SLIT3: variants seen among roughly 807,000 people sequenced by gnomAD.
SLIT3 encodes slit guidance ligand 3.
A neutral mutation model predicts 184.0 loss-of-function variants in SLIT3; 68 were observed. The observed-to-expected ratio is 0.37, with a 90% CI of 0.30 to 0.45. The LOEUF (loss-of-function observed/expected upper bound fraction) is 0.45, where lower values mean the gene tolerates loss of function less well. Ranked by LOEUF, SLIT3 falls within the 20% of genes least tolerant of loss-of-function variation. SLIT3 has a pLI of 1.00. For synonymous variants in SLIT3, 831 were observed against 828.6 expected (o/e 1.00, Z -0.05); for missense variants, 1,707 against 2,026.0 (o/e 0.84, Z 3.02).
intron 1 of SLIT3, among the ~76,000 whole-genome samples, chr5:169,277,524 C>T (rs1479494680): frequency 6.6e-6 from 1 of 152,212 alleles, no homozygotes; most frequent in East Asian, 1.9e-4. Context: ...AGAGGTGACC[C>T]ACCACGAGTG....
At chr5:168,800,744 G>A (rs1446225841) in intron 9 of SLIT3, among the ~76,000 whole-genome samples, 1 of 152,198 alleles carries the variant, frequency 6.6e-6, no homozygotes, top group African/African-American at 2.4e-5. Flanking sequence ...CCTACAGAAA[G>A]CAGAGGTACA....
chr5:168,817,043 G>A (rs969369894), intron 8 of SLIT3, among the ~76,000 whole-genome samples: 2 of 141,522 alleles, frequency 1.4e-5, no homozygotes, highest in Non-Finnish European at 3.1e-5. Flanking sequence ...TAGTATCAAT[G>A]GACTAGGGGC....
Position 168,722,996 on chromosome 5 carries a change from C to T in SLIT3, c.2348G>A (p.Ser783Asn), listed in dbSNP as rs1343037935. ...GGTCAGCATGCTGATGCTGTTGTTG[C>T]TCAGGTCACTAGGAAAAGTAAAACA... Reference protein sequence around the residue: ...ALRHLTLIDLSNNSISMLTNY... With the variant: ...ALRHLTLIDLNNNSISMLTNY... The change falls in exon 22 of 36, where the codon AGC becomes AAC. Residue 783 changes from serine to asparagine, a missense_variant. Ser to Asn is a conservative substitution (Grantham distance 46). Transcript: ENST00000519560. 3 of 1,613,670 alleles carry T rather than the reference C, an allele frequency of 1.9e-6. No homozygotes were observed. The South Asian group carries it at 3.3e-5, about 18-fold the overall frequency.
intron 12 of SLIT3, among the ~76,000 whole-genome samples, chr5:168,781,202 A>G (rs773724646): frequency 2.0e-5 from 3 of 152,224 alleles, no homozygotes; most frequent in Non-Finnish European, 4.4e-5. Flanking sequence ...GCTGTAAGCC[A>G]CTGGGTTTTC....
chr5:169,255,063 AC>A (rs1161178902), intron 1 of SLIT3, among the ~76,000 whole-genome samples: 1 of 152,246 alleles, frequency 6.6e-6, no homozygotes, highest in African/African-American at 2.4e-5. Flanking sequence ...CATATCACTC[AC>A]ATGTTTATGT....
intron 4 of SLIT3, among the ~76,000 whole-genome samples, chr5:169,054,998 C>T (rs1358900925): frequency 6.6e-6 from 1 of 152,064 alleles, no homozygotes; most frequent in Non-Finnish European, 1.5e-5. Flanking sequence ...GGCCCTCATG[C>T]CTAGCATATG....
At chr5:168,916,950 T>C (rs1761455069) in intron 4 of SLIT3, among the ~76,000 whole-genome samples, 1 of 152,172 alleles carries the variant, frequency 6.6e-6, no homozygotes. Flanking sequence ...GTTTTATTGA[T>C]AGCGGCGTCT....
intron 18 of SLIT3, chr5:168,752,652 C>T: frequency 3.1e-6 from 1 of 318,860 alleles, no homozygotes; most frequent in South Asian, 4.9e-5. Context: ...ACCTCAGCCT[C>T]CCAAAGTGTT....
At chr5:169,297,323 A>T (rs1361794798) in intron 1 of SLIT3, among the ~76,000 whole-genome samples, 1 of 152,282 alleles carries the variant, frequency 6.6e-6, no homozygotes, top group Middle Eastern at 3.4e-3. Context: ...AGACCCCCCA[A>T]TTCTGATTCT....
intron 4 of SLIT3, among the ~76,000 whole-genome samples, chr5:168,965,699 T>A (rs1248943391): frequency 1.3e-5 from 2 of 152,220 alleles, no homozygotes. Context: ...TCTCTATCGC[T>A]TATCAGCAAT....
intron 5 of SLIT3, among the ~76,000 whole-genome samples, chr5:168,882,608 C>T (rs1000252457): frequency 1.3e-5 from 2 of 152,152 alleles, no homozygotes; most frequent in Non-Finnish European, 2.9e-5. Flanking sequence ...TGATACTGTA[C>T]TGCGGTTATG....
chr5:168,888,322 C>T (rs1000430046), intron 4 of SLIT3, among the ~76,000 whole-genome samples: 9 of 152,208 alleles, frequency 5.9e-5, no homozygotes, highest in Non-Finnish European at 1.2e-4. Flanking sequence ...CCAGGCTCTG[C>T]CTGCCCTCCA....
rs538946367 is a variant in SLIT3, at chr5:169,101,548, T to TCCTTGCCTACA, written c.413+91920_413+91930dup. On this transcript the variant is annotated intron_variant, in intron 4 of 35. Coordinates refer to ENST00000519560, the MANE Select transcript of SLIT3 (RefSeq NM_003062.4). The stretch of plus-strand genomic sequence containing the variant: ...CATCTGCCTCCAGGACTCCTTGGTC[T>TCCTTGCCTACA]CCTTGCCTACACCTTGCCTCCTCAA... 3.0e-4 allele frequency among the ~76,000 whole-genome samples: 46 copies of TCCTTGCCTACA among 152,360 alleles called. No individual in the cohort carries two copies. The South Asian group carries it at 8.9e-3, about 30-fold the overall frequency.
intron 4 of SLIT3, among the ~76,000 whole-genome samples, chr5:169,162,973 C>A (rs1762525142): frequency 6.6e-6 from 1 of 152,086 alleles, no homozygotes; most frequent in Non-Finnish European, 1.5e-5. Context: ...CTGATTCCAA[C>A]ACAGAGTAAA....
At chr5:168,754,825 T>G (rs2113477961) in intron 16 of SLIT3, among the ~76,000 whole-genome samples, 1 of 152,294 alleles carries the variant, frequency 6.6e-6, no homozygotes, top group East Asian at 1.9e-4. Flanking sequence ...TTTTCAATGC[T>G]CTGGGGGACT....
At chr5:169,270,281 TTAAAA>T (rs1308615710) in intron 1 of SLIT3, among the ~76,000 whole-genome samples, 4 of 152,166 alleles carry the variant, frequency 2.6e-5, no homozygotes, top group African/African-American at 9.7e-5. Context: ...AAGGCACAGA[TTAAAA>T]TAAATACATC....
At chr5:169,289,725 A>G (rs1486058001) in intron 1 of SLIT3, among the ~76,000 whole-genome samples, 2 of 152,250 alleles carry the variant, frequency 1.3e-5, no homozygotes, top group Non-Finnish European at 2.9e-5. Flanking sequence ...GTAGAGGGCA[A>G]GAAGCCAAGC....
chr5:169,285,141 T>C (rs1381335080), intron 1 of SLIT3, among the ~76,000 whole-genome samples: 3 of 152,052 alleles, frequency 2.0e-5, no homozygotes, highest in South Asian at 2.1e-4. Context: ...GGTGTCAAAC[T>C]CATAGGCTCA....
chr5:168,973,340 C>T lies in SLIT3; in HGVS notation c.414-90004G>A, dbSNP rs531511266. On this transcript the variant is annotated intron_variant, in intron 4 of 35. Coordinates refer to ENST00000519560, the MANE Select transcript of SLIT3 (RefSeq NM_003062.4). ...TCGGCTCACTGCAACCTCTGCCTCC[C>T]GGGTTCAAGCGATTCTCCTACCTCA... Among the ~76,000 whole-genome samples, 106 of 152,256 alleles carry T rather than the reference C, an allele frequency of 7.0e-4. 2 individuals carry two copies. The highest frequency in any genetic ancestry group is 6.2e-4 in the Non-Finnish European group (42 of 68,026).
Sources: gnomAD v4.1 joint callset for allele counts (sites outside exome capture counted in the v4.1 genomes callset) on GRCh38, gnomAD v4.1.1 for gene constraint, MANE v1.5 for transcripts, NCBI Gene and HGNC (gene_info 2026-07-23, HGNC 2026-07-21) for gene names.